The following PTBP1 variants were observed in gnomAD, a reference collection of about 807,000 sequenced individuals.
The protein encoded by PTBP1 is polypyrimidine tract binding protein 1.
Under a neutral mutation model 59.8 loss-of-function variants are expected in PTBP1, and 8 were observed. That is an observed-to-expected ratio of 0.13 (90% CI 0.08 to 0.24). PTBP1 has a LOEUF of 0.24. PTBP1 is among the 10% of genes least tolerant of loss of function. The probability of loss-of-function intolerance (pLI) is 1.00; values close to 1 mark genes in which losing one functional copy is unlikely to be tolerated. For synonymous variants in PTBP1, 490 were observed against 320.7 expected (o/e 1.53, Z -5.64); for missense variants, 686 against 767.0 (o/e 0.89, Z 1.25).
At chr19:801,308 G>A (rs1304882257) in intron 2 of PTBP1, among the ~76,000 whole-genome samples, 1 of 152,212 alleles carries the variant, frequency 6.6e-6, no homozygotes, top group African/African-American at 2.4e-5. Context: ...GTGGAGCCTC[G>A]GAGCCTCCAG....
chr19:809,053 G>C (rs1446610811), intron 13 of PTBP1, among the ~76,000 whole-genome samples: 2 of 152,154 alleles, frequency 1.3e-5, no homozygotes, highest in Admixed American at 6.6e-5. Flanking sequence ...TTGTCACCCA[G>C]GCTGGAGTAC....
At chr19:805,679 A>T in intron 9 of PTBP1, 110 bp downstream of exon 9, 1 of 922,382 alleles carries the variant, frequency 1.1e-6, no homozygotes, top group Non-Finnish European at 1.8e-6. Context: ...CTCGAGTGCC[A>T]GGTCAGGGGC....
intron 2 of PTBP1, among the ~76,000 whole-genome samples, chr19:800,300 C>T (rs1218148142): frequency 6.6e-6 from 1 of 151,952 alleles, no homozygotes; most frequent in Non-Finnish European, 1.5e-5. Context: ...GTGTTTGGGG[C>T]AAGAGAAAAA....
intron 8 of PTBP1, 134 bp from the exon 9 acceptor site, chr19:805,358 C>G (rs932804533): frequency 1.8e-5 from 21 of 1,196,292 alleles, no homozygotes; most frequent in Admixed American, 3.9e-5. Context: ...CACGGCCCCC[C>G]CTGGAGCAGC....
At chr19:809,334 C>T (rs1225249083) in intron 13 of PTBP1, among the ~76,000 whole-genome samples, 3 of 122,384 alleles carry the variant, frequency 2.5e-5, no homozygotes, top group Admixed American at 8.7e-5. Flanking sequence ...ATTTATTTTA[C>T]TTATTTTGAG....
chr19:798,241 C>T (rs1387892072), intron 1 of PTBP1, among the ~76,000 whole-genome samples: 1 of 152,064 alleles, frequency 6.6e-6, no homozygotes, highest in Non-Finnish European at 1.5e-5. Context: ...TGGGGAGGGG[C>T]CTTCCCGGCT....
At position 811,933 on chromosome 19, in the gene PTBP1, CTG is replaced by C. The variant is rs1288093366; in HGVS notation, c.*1110_*1111del. 1 of 57,576 alleles carries C rather than the reference CTG, an allele frequency of 1.7e-5. No homozygotes were observed. The highest frequency in any genetic ancestry group is 4.8e-5 in the African/African-American group (1 of 20,750). 3.6% of individuals were successfully genotyped at this position (57,576 alleles called of 1,614,324 possible). A position where few individuals can be genotyped will look rare whatever the true frequency, so the allele number is the denominator to read the frequency against. ...AAGGCGGGCGCTCCTCCTGTCTTCTCTGTGCTCTTTCTACCGCCCCCGCGTCC... is the reference window on the plus strand; with the variant it reads ...AAGGCGGGCGCTCCTCCTGTCTTCTCTGCTCTTTCTACCGCCCCCGCGTCC... On this transcript the variant is annotated 3_prime_UTR_variant, in exon 15 of 15. Coordinates refer to ENST00000356948, the MANE Select transcript of PTBP1 (RefSeq NM_002819.5).
intron 10 of PTBP1, chr19:806,975 G>C (rs2034611220): frequency 6.2e-6 from 1 of 160,832 alleles, no homozygotes. Context: ...TTCCCAGAAT[G>C]GTTAAATTCC....
intron 9 of PTBP1, 50 bp from the exon 10 acceptor site, chr19:806,358 T>A: frequency 5.8e-6 from 9 of 1,553,972 alleles, no homozygotes; most frequent in Non-Finnish European, 7.8e-6. Context: ...TCTCCCACTC[T>A]GCGGTGGAGT....
chr19:798,835 G>A (rs950666001), intron 1 of PTBP1, among the ~76,000 whole-genome samples: 3 of 152,250 alleles, frequency 2.0e-5, no homozygotes, highest in African/African-American at 7.2e-5. Context: ...AGTCGGGTCG[G>A]GCGGGGCTCG....
In PTBP1 at chr19:808,105, GT is replaced by G; in HGVS notation, c.1153+205del. The G allele has an allele frequency of 1.6e-6, 1 of 640,374 alleles. No homozygotes were observed. Among genetic ancestry groups the G allele is most frequent in the Non-Finnish European group, 2.8e-6 (1 of 359,032 alleles). The allele number at this position is 640,374 out of a possible 1,614,324, so 39.7% of individuals were successfully genotyped here. On this transcript the variant is annotated intron_variant, in intron 11 of 14. Coordinates refer to ENST00000356948, the MANE Select transcript of PTBP1 (RefSeq NM_002819.5). The surrounding 1 kb of genome is among the most constrained non-coding windows in gnomAD (Gnocchi z 4.7). ...TTTATCGCCCTGCATGCTTTTCAGA[GT>G]TAGACCTGTCGGTGGCATATGCCAC...
At chr19:798,796 CT>C (rs1185275604) in intron 1 of PTBP1, among the ~76,000 whole-genome samples, 2 of 152,270 alleles carry the variant, frequency 1.3e-5, no homozygotes, top group Non-Finnish European at 2.9e-5. Flanking sequence ...TTCTATCCAC[CT>C]TCCCCCCGGG....
At chr19:800,770 G>C (rs1281847033) in intron 2 of PTBP1, among the ~76,000 whole-genome samples, 1 of 152,212 alleles carries the variant, frequency 6.6e-6, no homozygotes, top group African/African-American at 2.4e-5. Context: ...TGTCTGGCTT[G>C]CAGGCAGTCG....
In PTBP1 at chr19:806,207, A is replaced by G. The variant is rs1408786148; in HGVS notation, c.971-201A>G. The stretch of plus-strand genomic sequence containing the variant: ...GCCCGGCCCGGCCCGTGCTGTGAGG[A>G]GAGGCGGGCGCTGGTGCAGGAGCCG... On this transcript the variant is annotated intron_variant, in intron 9 of 14. Transcript: ENST00000356948. 3 of 515,284 alleles carry G rather than the reference A, an allele frequency of 5.8e-6. No homozygotes were observed. The East Asian group carries it at 1.1e-4, about 19-fold the overall frequency. The allele number at this position is 515,284 out of a possible 1,614,324, so 31.9% of individuals were successfully genotyped here.
At chr19:800,095 T>G (rs2034266005) in intron 2 of PTBP1, among the ~76,000 whole-genome samples, 1 of 89,428 alleles carries the variant, frequency 1.1e-5, no homozygotes, top group Non-Finnish European at 2.2e-5. Context: ...CCCAGCTAAT[T>G]TTTGTATTTT....
intron 2 of PTBP1, among the ~76,000 whole-genome samples, chr19:802,777 G>T (rs137920984): frequency 2.0e-5 from 3 of 152,202 alleles, no homozygotes; most frequent in Non-Finnish European, 4.4e-5. Context: ...CAGCGGGGGG[G>T]ATGTCTGCCG....
In PTBP1 at chr19:810,689, T is replaced by G; in HGVS notation, c.1542-5T>G. On this transcript the variant is annotated splice_region_variant and splice_polypyrimidine_tract_variant and intron_variant, in intron 14 of 14. Coordinates refer to ENST00000356948, the MANE Select transcript of PTBP1 (RefSeq NM_002819.5). ...TGCGGCCGGCCCTGACCCCCTGTCT[T>G]GCAGGAAGGACCGCAAGATGGCACT... 1.9e-6 allele frequency: 3 copies of G among 1,612,060 alleles called. No individual in the cohort carries two copies. Among genetic ancestry groups the G allele is most frequent in the Non-Finnish European group, 2.5e-6 (3 of 1,179,392 alleles).
At chr19:807,825 C>T (rs762969362) in intron 10 of PTBP1, 44 bp from the exon 11 acceptor site, 1 of 1,572,564 alleles carries the variant, frequency 6.4e-7, no homozygotes, top group South Asian at 1.1e-5. Flanking sequence ...TTGACCTCTC[C>T]CTCTCCCCTG....
rs766586041 is a variant in PTBP1 at position 806,494 on chromosome 19, G to C, written c.1057G>C (p.Ala353Pro). The change falls in exon 10 of 15, where the codon GCC becomes CCC. Residue 353 changes from alanine to proline, a missense_variant. Transcript: ENST00000356948. ...AAAAAAAGRI[A>P]IPGLAGAGNS... ...GGCAGCTGCGGCGGCAGGTCGGATC[G>C]CCATCCCGGGCCTGGCGGGGGCAGG... The C allele has an allele frequency of 2.5e-6, 4 of 1,577,576 alleles. No individual in the cohort carries two copies. Among genetic ancestry groups the C allele is most frequent in the Non-Finnish European group, 3.4e-6 (4 of 1,164,668 alleles).
Sources: allele counts gnomAD v4.1 joint callset (sites outside exome capture counted in the v4.1 genomes callset), GRCh38; gene constraint gnomAD v4.1.1; non-coding constraint Gnocchi (gnomAD v3.1); transcripts MANE v1.5; gene names NCBI Gene and HGNC (gene_info 2026-07-23, HGNC 2026-07-21).